Variants in DAPK1 observed in about 807,000 individuals in gnomAD.
The protein encoded by DAPK1 is death associated protein kinase 1, also known as death-associated protein kinase 1.
DAPK1 carries 56 observed loss-of-function variants against 144.9 expected under a neutral mutation model. The observed-to-expected ratio is 0.39, with a 90% CI of 0.31 to 0.48. The LOEUF (loss-of-function observed/expected upper bound fraction) is 0.48, where lower values mean the gene tolerates loss of function less well. DAPK1 is among the 20% of genes least tolerant of loss of function. The pLI is 0.95. For synonymous variants in DAPK1, 690 were observed against 749.0 expected (o/e 0.92, Z 1.29); for missense variants, 1,454 against 1,875.4 (o/e 0.78, Z 4.15).
intron 2 of DAPK1, among the ~76,000 whole-genome samples, chr9:87,501,216 T>A (rs1002774789): frequency 6.6e-6 from 1 of 152,162 alleles, no homozygotes; most frequent in African/African-American, 2.4e-5. Flanking sequence ...TAGACCAGTA[T>A]CTAAGATTTA....
intron 2 of DAPK1, among the ~76,000 whole-genome samples, chr9:87,572,651 G>A (rs758083386): frequency 7.9e-5 from 12 of 152,080 alleles, no homozygotes; most frequent in South Asian, 2.1e-4. Context: ...CCCATGTGAA[G>A]TGCCTGCTCC....
intron 14 of DAPK1, 127 bp from the exon 15 acceptor site, chr9:87,648,654 A>G: frequency 1.3e-6 from 1 of 773,920 alleles, no homozygotes; most frequent in Non-Finnish European, 2.2e-6. Flanking sequence ...CATCTGCCCA[A>G]GGTGGGTGGG....
At chr9:87,628,208 C>T (rs1439376376) in intron 3 of DAPK1, among the ~76,000 whole-genome samples, 1 of 152,210 alleles carries the variant, frequency 6.6e-6, no homozygotes, top group African/African-American at 2.4e-5. Context: ...ATCCATGCGG[C>T]TCCTTTTAAG....
chr9:87,559,304 G>C (rs938254712), intron 2 of DAPK1, among the ~76,000 whole-genome samples: 1 of 151,856 alleles, frequency 6.6e-6, no homozygotes, highest in African/African-American at 2.4e-5. Context: ...GCTAGGGTAG[G>C]CTAGGCTAGG....
chr9:87,694,449 T>A (rs1169774008), intron 21 of DAPK1, among the ~76,000 whole-genome samples: 1 of 152,172 alleles, frequency 6.6e-6, no homozygotes, highest in Non-Finnish European at 1.5e-5. Context: ...GTGGTGCATG[T>A]GATCCCCAGC....
At chr9:87,526,336 C>T (rs1320872713) in intron 2 of DAPK1, among the ~76,000 whole-genome samples, 1 of 152,200 alleles carries the variant, frequency 6.6e-6, no homozygotes, top group Admixed American at 6.5e-5. Flanking sequence ...CACCTCCCTT[C>T]ATCTGGCAAC....
chr9:87,644,853 A>C (rs1007389925), intron 11 of DAPK1, among the ~76,000 whole-genome samples: 7 of 152,228 alleles, frequency 4.6e-5, no homozygotes, highest in Non-Finnish European at 8.8e-5. Context: ...GGGATGAGTC[A>C]TAACAATCTG....
chr9:87,611,523 A>C (rs192385251), intron 3 of DAPK1, among the ~76,000 whole-genome samples: 2 of 152,132 alleles, frequency 1.3e-5, no homozygotes, highest in African/African-American at 4.8e-5. Flanking sequence ...CAGTGGTGCA[A>C]TCATAGCTCA....
intron 2 of DAPK1, among the ~76,000 whole-genome samples, chr9:87,521,044 A>G (rs995618483): frequency 6.6e-6 from 1 of 152,196 alleles, no homozygotes; most frequent in Non-Finnish European, 1.5e-5. Flanking sequence ...TTACCATTAA[A>G]TCTAATATGT....
At chr9:87,615,054 C>A (rs1265820567) in intron 3 of DAPK1, among the ~76,000 whole-genome samples, 1 of 152,196 alleles carries the variant, frequency 6.6e-6, no homozygotes, top group Admixed American at 6.5e-5. Flanking sequence ...TTTATTAGAT[C>A]AGTATCTGCA....
intron 2 of DAPK1, among the ~76,000 whole-genome samples, chr9:87,501,235 C>G (rs1824380005): frequency 6.6e-6 from 1 of 152,156 alleles, no homozygotes; most frequent in Non-Finnish European, 1.5e-5. Context: ...TAAGACTTTA[C>G]TTGGCCAGGC....
chr9:87,605,074 C>G lies in DAPK1; in HGVS notation c.183C>G (p.Ile61Met), dbSNP rs780593135. 7 of 1,614,052 alleles carry G rather than the reference C, an allele frequency of 4.3e-6. No individual in the cohort carries two copies. The highest frequency in any genetic ancestry group is 2.2e-5 in the East Asian group (1 of 44,884). ...SSRRGVSRED[I>M]EREVSILKEI... ...GGCGGGGTGTGAGCCGCGAGGACAT[C>G]GAGCGGGAGGTCAGCATCCTGAAGG... The change falls in exon 3 of 26, where the codon ATC becomes ATG. Residue 61 changes from isoleucine to methionine, a missense_variant. Around this residue, in one of 2 missense-constraint regions of DAPK1, gnomAD observed 429 missense variants for 637.5 expected, o/e 0.67. Coordinates refer to ENST00000408954, the MANE Select transcript of DAPK1 (RefSeq NM_004938.4).
intron 2 of DAPK1, among the ~76,000 whole-genome samples, chr9:87,551,691 A>G (rs370771773): frequency 1.4e-4 from 22 of 152,286 alleles, no homozygotes; most frequent in African/African-American, 5.1e-4. Context: ...GCCCAGGGCC[A>G]CATCCTCCTT....
At chr9:87,673,768 C>A (rs1049027048) in intron 19 of DAPK1, among the ~76,000 whole-genome samples, 2 of 152,170 alleles carry the variant, frequency 1.3e-5, no homozygotes, top group Admixed American at 1.3e-4. Flanking sequence ...AGGGAGGGAG[C>A]ATTTGCACCA....
rs36214723 is a variant in DAPK1, at chr9:87,657,416, C to G, written c.1825-613C>G. 1,095 of 155,426 alleles carry G rather than the reference C, an allele frequency of 7.0e-3. 8 individuals are homozygous for G. The highest frequency in any genetic ancestry group is 0.024 in the African/African-American group (980 of 41,522). The allele number at this position is 155,426 out of a possible 1,614,324, so 9.6% of individuals were successfully genotyped here. A position where few individuals can be genotyped will look rare whatever the true frequency, so the allele number is the denominator to read the frequency against. On this transcript the variant is annotated intron_variant, in intron 17 of 25. Coordinates refer to ENST00000408954, the MANE Select transcript of DAPK1 (RefSeq NM_004938.4). ...GGTTCCTCTCAGGGCAGCTACCAAC[C>G]CCCCGCTGTGAGAGACATGATGTCA...
At chr9:87,653,843 G>GTCCA (rs1564050781) in intron 17 of DAPK1, among the ~76,000 whole-genome samples, 4 of 151,916 alleles carry the variant, frequency 2.6e-5, no homozygotes, top group African/African-American at 4.8e-5. Flanking sequence ...ACAGGCTCAT[G>GTCCA]CCACCATGCC....
Position 87,518,113 on chromosome 9 carries a change from T to TGTTTTTG in DAPK1, c.62+18974_62+18975insGTTTTTG, listed in dbSNP as rs1563970388. Reference sequence around the variant, plus strand: ...TTGCCGTTTATGTTGTTGTTTTTTTTTTTTTTTTTTTTTTCTGAGATGGAG... The same window carrying TGTTTTTG: ...TTGCCGTTTATGTTGTTGTTTTTTTTGTTTTTGTTTTTTTTTTTTTTCTGAGATGGAG... On this transcript the variant is annotated intron_variant, in intron 2 of 25. Transcript: ENST00000408954. 2.1e-3 allele frequency among the ~76,000 whole-genome samples: 296 copies of TGTTTTTG among 142,164 alleles called. 3 individuals are homozygous for TGTTTTTG. The highest frequency in any genetic ancestry group is 7.7e-3 in the African/African-American group (282 of 36,790). The allele number at this position is 142,164 out of a possible 152,430, so 93.3% of individuals were successfully genotyped here.
intron 2 of DAPK1, among the ~76,000 whole-genome samples, chr9:87,591,351 G>T (rs1423317385): frequency 6.6e-6 from 1 of 152,240 alleles, no homozygotes; most frequent in African/African-American, 2.4e-5. Flanking sequence ...AGACTGCCCT[G>T]GGCCAGGATG....
At chr9:87,695,067 AGCAGAGCTGGCTGT>A (rs565933782) in intron 21 of DAPK1, among the ~76,000 whole-genome samples, 36 of 149,602 alleles carry the variant, frequency 2.4e-4, no homozygotes, top group Non-Finnish European at 4.9e-4. Context: ...AGCTCCCCAG[AGCAGAGCTGGCTGT>A]GGCAGCACAG....
Sources: gnomAD v4.1 joint callset for allele counts (sites outside exome capture counted in the v4.1 genomes callset) on GRCh38, gnomAD v4.1.1 for gene constraint, gnomAD v4.1.1 regional missense constraint, MANE v1.5 for transcripts, NCBI Gene and HGNC (gene_info 2026-07-23, HGNC 2026-07-21) for gene names.